The following ANO1 variants were observed in gnomAD, a reference collection of about 807,000 sequenced individuals.
ANO1 encodes the protein anoctamin 1.
ANO1 carries 59 observed loss-of-function variants against 124.0 expected under a neutral mutation model. The observed-to-expected ratio is 0.48, with a 90% CI of 0.39 to 0.59. The LOEUF (loss-of-function observed/expected upper bound fraction) is 0.59. Ranked by LOEUF, ANO1 falls within the 20% of genes least tolerant of loss-of-function variation. The pLI is 0.00. For missense variants in ANO1, 1,059 were observed against 1,328.0 expected (o/e 0.80, Z 3.15); for synonymous variants, 529 against 532.0 (o/e 0.99, Z 0.08).
At chr11:70,043,822 G>T (rs1421836301) in intron 1 of ANO1, among the ~76,000 whole-genome samples, 1 of 152,024 alleles carries the variant, frequency 6.6e-6, no homozygotes, top group Non-Finnish European at 1.5e-5. Flanking sequence ...AATGATAAAG[G>T]AAGTTATTCA....
At chr11:70,181,191 C>T (rs2048915311) in intron 23 of ANO1, among the ~76,000 whole-genome samples, 1 of 152,236 alleles carries the variant, frequency 6.6e-6, no homozygotes, top group South Asian at 2.1e-4. Flanking sequence ...TGAGCCCAAT[C>T]CTCCCCGCCA....
intron 1 of ANO1, among the ~76,000 whole-genome samples, chr11:69,986,491 C>T (rs975693360): frequency 2.6e-5 from 4 of 152,162 alleles, no homozygotes; most frequent in Non-Finnish European, 4.4e-5. Context: ...ATCTGCTAGG[C>T]CGGCCCAGGC....
At chr11:70,028,968 G>C (rs1045400003) in intron 1 of ANO1, among the ~76,000 whole-genome samples, 2 of 152,244 alleles carry the variant, frequency 1.3e-5, no homozygotes, top group Admixed American at 6.5e-5. Flanking sequence ...TTTTAGTAGA[G>C]ATGGGATTTC....
chr11:70,153,118 G>C lies in ANO1; in HGVS notation c.1415G>C (p.Arg472Thr). 1 of 1,604,664 alleles carries C rather than the reference G, an allele frequency of 6.2e-7. No homozygotes were observed. Among genetic ancestry groups the C allele is most frequent in the Non-Finnish European group, 8.5e-7 (1 of 1,175,442 alleles). ...VLEKSLKKES[R>T]NKEKRRHIPE... ...GAGAAGTCTCTGAAGAAAGAGTCCA[G>C]AAACAAAGAGGTATGGTGGCCACTG... The change falls in exon 14 of 26, where the codon AGA (arginine) becomes ACA (threonine). Residue 472 changes from arginine to threonine, a missense_variant. Arg to Thr is a moderately conservative substitution (Grantham distance 71). Coordinates refer to ENST00000355303, the MANE Select transcript of ANO1 (RefSeq NM_018043.7).
intron 1 of ANO1, among the ~76,000 whole-genome samples, chr11:70,042,513 CAGAGAGAGAG>C (rs140488432): frequency 1.1e-4 from 17 of 148,452 alleles, no homozygotes; most frequent in Non-Finnish European, 1.9e-4. Flanking sequence ...TACATATACA[CAGAGAGAGAG>C]AGAGAGAGAG....
chr11:70,177,583 C>CT (rs571158513), intron 22 of ANO1, among the ~76,000 whole-genome samples: 37 of 126,498 alleles, frequency 2.9e-4, no homozygotes, highest in Admixed American at 7.5e-4. Flanking sequence ...TTTTTCTTTT[C>CT]TTTTTTTTTT....
At chr11:70,085,626 C>G (rs1356951637) in intron 1 of ANO1, 1 of 1,534,054 alleles carries the variant, frequency 6.5e-7, no homozygotes, top group Admixed American at 2.0e-5. Flanking sequence ...GTCCCCTAAC[C>G]AGGGGTAGAG....
chr11:70,044,909 G>T (rs1254256896), intron 1 of ANO1, among the ~76,000 whole-genome samples: 2 of 152,164 alleles, frequency 1.3e-5, no homozygotes, highest in African/African-American at 4.8e-5. Context: ...TTGGAACAGT[G>T]CATGAGATTT....
chr11:70,062,999 G>A (rs868974136), intron 1 of ANO1, among the ~76,000 whole-genome samples: 5 of 151,980 alleles, frequency 3.3e-5, no homozygotes, highest in East Asian at 1.9e-4. Context: ...GTGCAATCTC[G>A]GCTCACTGCA....
chr11:70,029,811 C>T (rs974439061), intron 1 of ANO1, among the ~76,000 whole-genome samples: 9 of 152,218 alleles, frequency 5.9e-5, no homozygotes, highest in Admixed American at 4.6e-4. Context: ...GCTTCCCGGG[C>T]TCCAGGCGTT....
At chr11:70,169,038 A>G (rs1432038368) in intron 21 of ANO1, among the ~76,000 whole-genome samples, 3 of 152,320 alleles carry the variant, frequency 2.0e-5, no homozygotes, top group South Asian at 2.1e-4. Flanking sequence ...AGCATTGGCC[A>G]TGTGGCCAGG....
chr11:69,986,021 C>T (rs369397604), exon 1 of ANO1: 1 of 152,224 alleles, frequency 6.6e-6, no homozygotes, highest in African/African-American at 2.4e-5. Context: ...CCCCCAGAGC[C>T]GCCGCAGACC....
chr11:70,085,256 C>T (rs1181719616), intron 1 of ANO1, among the ~76,000 whole-genome samples: 11 of 152,156 alleles, frequency 7.2e-5, no homozygotes, highest in Non-Finnish European at 7.4e-5. Flanking sequence ...CCGTGAACCC[C>T]GTCCTTCATG....
chr11:70,131,904 C>T lies in ANO1; in HGVS notation c.1098-15C>T. On this transcript the variant is annotated splice_polypyrimidine_tract_variant and intron_variant, in intron 10 of 25. Transcript: ENST00000355303. ...GCCCAACAAGGTGACTCCAGGGCTG[C>T]CCCCTCTCTTGCAGCATGGAGATGT... 1 of 1,599,730 alleles carries T rather than the reference C, an allele frequency of 6.3e-7. No individual in the cohort carries two copies. Among genetic ancestry groups the T allele is most frequent in the Non-Finnish European group, 8.5e-7 (1 of 1,177,838 alleles).
intron 22 of ANO1, among the ~76,000 whole-genome samples, chr11:70,177,689 C>T (rs1282866560): frequency 6.6e-6 from 1 of 151,014 alleles, no homozygotes; most frequent in African/African-American, 2.4e-5. Flanking sequence ...AACCTCCGCC[C>T]CCCGGGTTCA....
chr11:70,138,931 C>T (rs1310981187), intron 11 of ANO1, among the ~76,000 whole-genome samples: 1 of 152,110 alleles, frequency 6.6e-6, no homozygotes, highest in East Asian at 1.9e-4. Context: ...CACCCTCCTC[C>T]CACCCTCCAC....
chr11:70,108,017 G>A (rs1456664877), intron 5 of ANO1, among the ~76,000 whole-genome samples: 1 of 152,238 alleles, frequency 6.6e-6, no homozygotes, highest in Non-Finnish European at 1.5e-5. Flanking sequence ...AGGGTACGTG[G>A]CACAGCTGTG....
chr11:70,150,541 C>A (rs1353076760), intron 12 of ANO1, among the ~76,000 whole-genome samples: 2 of 152,102 alleles, frequency 1.3e-5, no homozygotes, highest in Non-Finnish European at 2.9e-5. Context: ...AAACATGCTC[C>A]CCACTTTTTG....
intron 11 of ANO1, among the ~76,000 whole-genome samples, chr11:70,135,616 A>G (rs2046926625): frequency 6.6e-6 from 1 of 152,196 alleles, no homozygotes; most frequent in African/African-American, 2.4e-5. Flanking sequence ...CCAAACGTCC[A>G]GTAATTCCTG....
Sources: allele counts gnomAD v4.1 joint callset (sites outside exome capture counted in the v4.1 genomes callset), GRCh38; gene constraint gnomAD v4.1.1; transcripts MANE v1.5; gene names NCBI Gene and HGNC (gene_info 2026-07-23, HGNC 2026-07-21).